Variants in PCLO observed in about 807,000 individuals in gnomAD.
PCLO encodes protein piccolo.
PCLO carries 82 observed loss-of-function variants against 427.5 expected under a neutral mutation model. The ratio of observed to expected loss-of-function variants is 0.19; its 90% CI spans 0.16 to 0.23. PCLO has a LOEUF of 0.23. PCLO is among the 10% of genes least tolerant of loss of function. The pLI, the probability that PCLO is intolerant of heterozygous loss-of-function variation, is 1.00. For synonymous variants in PCLO, 2,357 were observed against 2,155.4 expected, an observed-to-expected ratio of 1.09 and a Z score of -2.59; for missense variants, 6,239 against 6,115.9, an observed-to-expected ratio of 1.02 and a Z score of -0.67.
chr7:82,761,608 A>C (rs1164967597), intron 22 of PCLO, 115 bp from the exon 23 acceptor site: 2 of 680,368 alleles, frequency 2.9e-6, no homozygotes, highest in Non-Finnish European at 5.0e-6. Flanking sequence ...GTATCTTATG[A>C]CATCCTAAGT....
At chr7:82,887,623 G>A (rs1467365653) in intron 9 of PCLO, among the ~76,000 whole-genome samples, 2 of 152,128 alleles carry the variant, frequency 1.3e-5, no homozygotes, top group Non-Finnish European at 2.9e-5. Flanking sequence ...CAATCTGTCA[G>A]GAGAAATGAT....
At chr7:83,144,904 TTAAG>T (rs772091849) in intron 2 of PCLO, among the ~76,000 whole-genome samples, 1 of 152,190 alleles carries the variant, frequency 6.6e-6, no homozygotes, top group Non-Finnish European at 1.5e-5. Flanking sequence ...AAGAGTTGTT[TTAAG>T]TATTTAACTG....
intron 9 of PCLO, among the ~76,000 whole-genome samples, chr7:82,892,160 C>G (rs1024864728): frequency 6.6e-6 from 1 of 152,078 alleles, no homozygotes; most frequent in East Asian, 1.9e-4. Flanking sequence ...GGCATCACAC[C>G]TCCTGACTTC....
intron 10 of PCLO, among the ~76,000 whole-genome samples, chr7:82,864,925 T>C (rs891757932): frequency 2.8e-4 from 42 of 152,172 alleles, no homozygotes; most frequent in African/African-American, 9.7e-4. Flanking sequence ...AATCAGTTCT[T>C]GGAATCAATA....
intron 22 of PCLO, among the ~76,000 whole-genome samples, chr7:82,762,323 A>G (rs1462940825): frequency 1.3e-5 from 2 of 152,106 alleles, no homozygotes; most frequent in African/African-American, 4.8e-5. Context: ...CATTCCAGAG[A>G]GAAGGAACAG....
At chr7:83,033,840 T>G (rs1788729638) in intron 3 of PCLO, among the ~76,000 whole-genome samples, 1 of 152,192 alleles carries the variant, frequency 6.6e-6, no homozygotes, top group Non-Finnish European at 1.5e-5. Context: ...AAGACTTGAC[T>G]GCTACAATGC....
chr7:82,766,938 C>T (rs945976097), intron 22 of PCLO, among the ~76,000 whole-genome samples: 4 of 152,090 alleles, frequency 2.6e-5, no homozygotes, highest in African/African-American at 7.2e-5. Context: ...GAAGAAAGGA[C>T]GTGCTTACTG....
At chr7:82,799,776 T>C (rs1469628890) in intron 22 of PCLO, among the ~76,000 whole-genome samples, 4 of 152,176 alleles carry the variant, frequency 2.6e-5, no homozygotes, top group Admixed American at 2.6e-4. Context: ...TCATGTTTCT[T>C]GCTCCCAGAA....
intron 22 of PCLO, among the ~76,000 whole-genome samples, chr7:82,768,738 A>G (rs1790585268): frequency 6.6e-6 from 1 of 152,006 alleles, no homozygotes; most frequent in African/African-American, 2.4e-5. Context: ...CTGGTGCTTT[A>G]TTCTCAATTA....
intron 13 of PCLO, among the ~76,000 whole-genome samples, 198 bp downstream of exon 13, chr7:82,845,073 T>C (rs917065991): frequency 6.6e-6 from 1 of 152,136 alleles, no homozygotes; most frequent in African/African-American, 2.4e-5. Context: ...ATTTAAAAGA[T>C]GTAGAAATAC....
intron 3 of PCLO, among the ~76,000 whole-genome samples, chr7:83,018,899 T>A (rs1788273071): frequency 6.6e-6 from 1 of 152,006 alleles, no homozygotes; most frequent in Non-Finnish European, 1.5e-5. Flanking sequence ...TTGGATTTTG[T>A]TAGACTGCAT....
At chr7:82,789,669 C>A (rs763290402) in intron 22 of PCLO, among the ~76,000 whole-genome samples, 3 of 152,096 alleles carry the variant, frequency 2.0e-5, no homozygotes, top group Non-Finnish European at 2.9e-5. Context: ...CGCACCACTG[C>A]GCTCCAGCCT....
intron 10 of PCLO, among the ~76,000 whole-genome samples, chr7:82,854,842 T>G (rs1361892465): frequency 6.6e-6 from 1 of 152,182 alleles, no homozygotes; most frequent in African/African-American, 2.4e-5. Flanking sequence ...TCTCAAATTT[T>G]GTGAAGAACA....
chr7:82,780,991 C>T (rs1353352495), intron 22 of PCLO, among the ~76,000 whole-genome samples: 1 of 151,956 alleles, frequency 6.6e-6, no homozygotes, highest in Non-Finnish European at 1.5e-5. Flanking sequence ...AAAGCAGTTC[C>T]TCATAGTGGA....
intron 3 of PCLO, among the ~76,000 whole-genome samples, chr7:83,001,505 AACACAC>A (rs3035080): frequency 6.7e-6 from 1 of 149,046 alleles, no homozygotes; most frequent in South Asian, 2.1e-4. Flanking sequence ...CACACATACA[AACACAC>A]ACACACACAC....
chr7:82,901,991 G>A (rs886603560), intron 9 of PCLO, among the ~76,000 whole-genome samples: 12 of 151,536 alleles, frequency 7.9e-5, no homozygotes, highest in African/African-American at 2.4e-4. Context: ...CTGTAAACTA[G>A]TTCAACCATT....
chr7:82,949,449 C>G, intron 6 of PCLO, 27 bp downstream of exon 6: 1 of 1,508,488 alleles, frequency 6.6e-7, no homozygotes, highest in Non-Finnish European at 8.9e-7. Flanking sequence ...CATCCATTGC[C>G]TTCCAACTGA....
intron 9 of PCLO, among the ~76,000 whole-genome samples, chr7:82,891,283 A>T (rs946752544): frequency 6.6e-6 from 1 of 152,114 alleles, no homozygotes; most frequent in Non-Finnish European, 1.5e-5. Flanking sequence ...GATTTTTAAA[A>T]TTTTAGGTAG....
intron 7 of PCLO, among the ~76,000 whole-genome samples, chr7:82,910,053 C>T (rs1424932871): frequency 2.0e-5 from 3 of 151,880 alleles, no homozygotes; most frequent in Non-Finnish European, 4.4e-5. Flanking sequence ...TTGTTTTAGT[C>T]TTTGTAAAAG....
Sources: gnomAD v4.1 joint callset for allele counts (sites outside exome capture counted in the v4.1 genomes callset) on GRCh38, gnomAD v4.1.1 for gene constraint, MANE v1.5 for transcripts, NCBI Gene and HGNC (gene_info 2026-07-23, HGNC 2026-07-21) for gene names.